Variants in CYP3A5 observed in about 807,000 individuals in gnomAD.
CYP3A5 encodes cytochrome P450 3A5.
A neutral mutation model predicts 55.9 loss-of-function variants in CYP3A5; 51 were observed. That is an observed-to-expected ratio of 0.91 (90% CI 0.73 to 1.15). CYP3A5 has a LOEUF of 1.15. CYP3A5 is among the 50% of genes most tolerant of loss of function. The pLI is 0.00. For synonymous variants in CYP3A5, 196 were observed against 213.9 expected (o/e 0.92, Z 0.73); for missense variants, 533 against 596.6 (o/e 0.89, Z 1.11).
At chr7:99,668,910 C>T (rs974525512) in intron 4 of CYP3A5, among the ~76,000 whole-genome samples, 1 of 152,098 alleles carries the variant, frequency 6.6e-6, no homozygotes, top group African/African-American at 2.4e-5. Context: ...CAAGTAAAAC[C>T]CAGCAATTAT....
At chr7:99,660,972 G>A (rs1360180376) in intron 9 of CYP3A5, among the ~76,000 whole-genome samples, 1 of 152,186 alleles carries the variant, frequency 6.6e-6, no homozygotes, top group East Asian at 1.9e-4. Flanking sequence ...TGTTATGGGT[G>A]TGTGCCTTGA....
chr7:99,660,214 C>CTTTTTTTTTTTTTTTTTTT (rs34318418), intron 10 of CYP3A5: 1 of 424,282 alleles, frequency 2.4e-6, no homozygotes, highest in Non-Finnish European at 2.8e-6. Flanking sequence ...CGCCACACTC[C>CTTTTTTTTTTTTTTTTTTT]TTTTTTTTTT....
Position 99,653,991 on chromosome 7 carries a change from C to A in CYP3A5, c.1027-1212G>T, listed in dbSNP as rs1562986256. Among the ~76,000 whole-genome samples the A allele has an allele frequency of 1.3e-5, 2 of 152,192 alleles. No homozygotes were observed. The highest frequency in any genetic ancestry group is 2.9e-5 in the Non-Finnish European group (2 of 68,036). On this transcript the variant is annotated intron_variant, in intron 10 of 12. Coordinates refer to ENST00000222982, the MANE Select transcript of CYP3A5 (RefSeq NM_000777.5). This position sits in a 1 kb window ranked among gnomAD's most constrained non-coding sequence, Gnocchi z 4.2. ...GGGCCAGGCTACCTCAGACCATAGC[C>A]AGACCAGAGTGAGTCCAGTCAGTAT...
chr7:99,673,620 GT>G (rs1346616410), intron 3 of CYP3A5, among the ~76,000 whole-genome samples: 1 of 152,194 alleles, frequency 6.6e-6, no homozygotes, highest in African/African-American at 2.4e-5. Context: ...TTCCCAATCT[GT>G]TTCTCTATTA....
chr7:99,667,648 A>G (rs796902486), intron 4 of CYP3A5, among the ~76,000 whole-genome samples: 6 of 152,334 alleles, frequency 3.9e-5, no homozygotes, highest in Admixed American at 1.3e-4. Flanking sequence ...AGGGATAATT[A>G]CTTTTCCCAA....
chr7:99,655,592 G>A (rs1408434582), intron 10 of CYP3A5, among the ~76,000 whole-genome samples: 1 of 152,214 alleles, frequency 6.6e-6, no homozygotes, highest in Non-Finnish European at 1.5e-5. Context: ...GAACTTTAAA[G>A]TAGTTTTTTC....
chr7:99,660,078 C>T (rs1007427028), intron 10 of CYP3A5: 43 of 447,990 alleles, frequency 9.6e-5, no homozygotes, highest in African/African-American at 8.4e-4. Flanking sequence ...TGTCCTGCAC[C>T]CACTCTCCAA....
rs376507011 is a variant in CYP3A5, at chr7:99,664,683, C to T, written c.670+483G>A. ...CACAGGATGTAGCCAAACCAGTGCT[C>T]AGAGGGAAATTTATAGCTGTAATAT... is the stretch of plus-strand genomic sequence containing the variant. On this transcript the variant is annotated intron_variant, in intron 7 of 12. Transcript: ENST00000222982. Among the ~76,000 whole-genome samples, 8 of 152,060 alleles carry T rather than the reference C, an allele frequency of 5.3e-5. No homozygotes were observed. In the East Asian group the frequency reaches 7.7e-4, roughly 15 times the overall value.
chr7:99,675,926 G>C (rs1812227202), intron 2 of CYP3A5, among the ~76,000 whole-genome samples, 189 bp downstream of exon 2: 1 of 151,102 alleles, frequency 6.6e-6, no homozygotes, highest in African/African-American at 2.4e-5. Flanking sequence ...AAACTCCTGG[G>C]CTCAAGCAAT....
intron 12 of CYP3A5, among the ~76,000 whole-genome samples, 188 bp from the exon 13 acceptor site, chr7:99,648,588 A>T (rs1024169915): frequency 6.6e-6 from 1 of 152,094 alleles, no homozygotes; most frequent in African/African-American, 2.4e-5. Flanking sequence ...AAAAGCACTC[A>T]CCATCCATCG....
intron 8 of CYP3A5, chr7:99,663,724 A>G (rs997161035): frequency 4.5e-6 from 5 of 1,121,054 alleles, no homozygotes; most frequent in African/African-American, 1.6e-5. Context: ...TTTTATCTCA[A>G]TACTGTTTAT....
intron 4 of CYP3A5, among the ~76,000 whole-genome samples, chr7:99,670,165 A>G (rs765395423): frequency 7.2e-5 from 11 of 152,206 alleles, no homozygotes; most frequent in Non-Finnish European, 1.5e-4. Context: ...ATGCTTTGTG[A>G]TGTGAAATCA....
At chr7:99,670,106 C>A (rs1435074945) in intron 4 of CYP3A5, among the ~76,000 whole-genome samples, 1 of 152,156 alleles carries the variant, frequency 6.6e-6, no homozygotes, top group African/African-American at 2.4e-5. Flanking sequence ...GCAAGTCATT[C>A]ACTTTTTAGA....
At chr7:99,669,831 A>G (rs748470112) in intron 4 of CYP3A5, among the ~76,000 whole-genome samples, 23 of 152,246 alleles carry the variant, frequency 1.5e-4, no homozygotes, top group African/African-American at 5.5e-4. Context: ...CTTTGTAAAC[A>G]TATGTGATAT....
intron 10 of CYP3A5, among the ~76,000 whole-genome samples, chr7:99,657,526 G>C (rs1809885634): frequency 6.6e-6 from 1 of 152,324 alleles, no homozygotes; most frequent in South Asian, 2.1e-4. Flanking sequence ...TTTGGAATAG[G>C]TGTGGTGTGG....
intron 4 of CYP3A5, chr7:99,671,685 A>G: frequency 1.1e-5 from 7 of 617,670 alleles, no homozygotes; most frequent in Non-Finnish European, 2.0e-5. Flanking sequence ...GGATTTTCAG[A>G]CTTAACACCA....
chr7:99,672,828 G>A, intron 3 of CYP3A5, 149 bp from the exon 4 acceptor site: 1 of 1,471,804 alleles, frequency 6.8e-7, no homozygotes. Flanking sequence ...TAGTTCATTA[G>A]GGTGTGACAC....
chr7:99,669,399 G>A (rs138232685), intron 4 of CYP3A5, among the ~76,000 whole-genome samples: 3,373 of 152,232 alleles, frequency 0.022, 62 homozygotes, highest in Non-Finnish European at 0.032. Context: ...GGACTCAATC[G>A]TAAGGTAAAA....
At chr7:99,673,295 C>G (rs185798440) in intron 3 of CYP3A5, among the ~76,000 whole-genome samples, 1 of 152,276 alleles carries the variant, frequency 6.6e-6, no homozygotes, top group Non-Finnish European at 1.5e-5. Flanking sequence ...AAGCTTTCTC[C>G]CACTTGCTTC....
Sources: allele counts gnomAD v4.1 joint callset (sites outside exome capture counted in the v4.1 genomes callset), GRCh38; gene constraint gnomAD v4.1.1; non-coding constraint Gnocchi (gnomAD v3.1); transcripts MANE v1.5; gene names NCBI Gene and HGNC (gene_info 2026-07-23, HGNC 2026-07-21).